Variants in PARD3B observed in about 807,000 individuals in gnomAD.
PARD3B encodes par-3 family cell polarity regulator beta.
A neutral mutation model predicts 130.2 loss-of-function variants in PARD3B; 103 were observed. The observed-to-expected ratio is 0.79, with a 90% confidence interval of 0.67 to 0.93. The LOEUF (loss-of-function observed/expected upper bound fraction) is 0.93, where lower values mean the gene tolerates loss of function less well. PARD3B is among the 40% of genes least tolerant of loss of function. The probability of loss-of-function intolerance (pLI) is 0.00; values close to 1 mark genes in which losing one functional copy is unlikely to be tolerated. For synonymous variants in PARD3B, 583 were observed against 553.2 expected, an observed-to-expected ratio of 1.05 and a Z score of -0.76; for missense variants, 1,609 against 1,499.2, an observed-to-expected ratio of 1.07 and a Z score of -1.21.
At chr2:205,475,094 T>C (rs2048979906) in intron 20 of PARD3B, among the ~76,000 whole-genome samples, 1 of 152,172 alleles carries the variant, frequency 6.6e-6, no homozygotes. Context: ...TGAATGATTA[T>C]GCACCCAGGT....
intron 4 of PARD3B, among the ~76,000 whole-genome samples, chr2:205,056,723 G>A (rs1222942167): frequency 6.6e-6 from 1 of 151,920 alleles, no homozygotes. Flanking sequence ...GCAAAGAATG[G>A]TTAAGTAGCA....
At chr2:204,659,135 G>A (rs919582528) in intron 1 of PARD3B, among the ~76,000 whole-genome samples, 5 of 152,120 alleles carry the variant, frequency 3.3e-5, no homozygotes, top group African/African-American at 9.7e-5. Context: ...TGTTACTGCT[G>A]TACTGAATGT....
chr2:205,289,030 A>G (rs926171882), intron 16 of PARD3B, among the ~76,000 whole-genome samples: 1 of 152,218 alleles, frequency 6.6e-6, no homozygotes, highest in African/African-American at 2.4e-5. Flanking sequence ...CTGATGGAGA[A>G]GAGTGAAAGA....
At chr2:205,054,424 A>G (rs1196789267) in intron 4 of PARD3B, among the ~76,000 whole-genome samples, 1 of 21,446 alleles carries the variant, frequency 4.7e-5, no homozygotes, top group African/African-American at 1.6e-4. Context: ...ATATATATAT[A>G]TATATATATA....
intron 2 of PARD3B, among the ~76,000 whole-genome samples, chr2:204,861,452 G>C (rs964390034): frequency 6.6e-6 from 1 of 152,050 alleles, no homozygotes; most frequent in Non-Finnish European, 1.5e-5. Flanking sequence ...ATTCTTAATA[G>C]TTAAATCTCC....
intron 18 of PARD3B, among the ~76,000 whole-genome samples, chr2:205,316,174 G>A (rs1034957566): frequency 6.6e-6 from 1 of 152,106 alleles, no homozygotes. Flanking sequence ...AACAGTGGAA[G>A]TGGTTCAAAA....
At chr2:204,563,586 G>A (rs2031484665) in intron 1 of PARD3B, among the ~76,000 whole-genome samples, 1 of 152,022 alleles carries the variant, frequency 6.6e-6, no homozygotes, top group Non-Finnish European at 1.5e-5. Flanking sequence ...CTCCAAAATA[G>A]TCCACATATA....
rs1553597494 is a variant in PARD3B at position 205,018,749 on chromosome 2, A to AAG, written c.395-28831_395-28830dup. ...AAAAAAAAAAAAAAAAAAAAAAAAA[A>AAG]AGCACGCTGATTAATAAAATATGCT... On this transcript the variant is annotated intron_variant, in intron 3 of 22. Transcript: ENST00000406610. 5.8e-4 allele frequency among the ~76,000 whole-genome samples: 70 copies of AAG among 120,082 alleles called. 3 individuals are homozygous for AAG. The highest frequency in any genetic ancestry group is 1.1e-3 in the South Asian group (4 of 3,564). The allele number at this position is 120,082 out of a possible 152,430, so 78.8% of individuals were successfully genotyped here.
At chr2:205,238,916 G>GTATATATA (rs747790189) in intron 15 of PARD3B, among the ~76,000 whole-genome samples, 4 of 118,460 alleles carry the variant, frequency 3.4e-5, no homozygotes, top group African/African-American at 1.0e-4. Context: ...ATATGTATGT[G>GTATATATA]TATATATATA....
intron 18 of PARD3B, among the ~76,000 whole-genome samples, chr2:205,378,797 A>T (rs1160826694): frequency 6.6e-6 from 1 of 151,806 alleles, no homozygotes; most frequent in Non-Finnish European, 1.5e-5. Context: ...ACACCCAGCT[A>T]ATTTTTGTAT....
chr2:204,951,137 G>A (rs1400055507), intron 2 of PARD3B, among the ~76,000 whole-genome samples: 1 of 152,146 alleles, frequency 6.6e-6, no homozygotes, highest in Non-Finnish European at 1.5e-5. Context: ...CATGACCTAA[G>A]GGTTCCATGC....
chr2:205,010,491 C>G (rs977663068), intron 3 of PARD3B, among the ~76,000 whole-genome samples: 1 of 152,222 alleles, frequency 6.6e-6, no homozygotes, highest in African/African-American at 2.4e-5. Flanking sequence ...TTTCATGAAG[C>G]TGACTTCTCA....
At chr2:205,225,689 A>G (rs1392244879) in intron 15 of PARD3B, among the ~76,000 whole-genome samples, 2 of 152,190 alleles carry the variant, frequency 1.3e-5, no homozygotes, top group African/African-American at 4.8e-5. Context: ...GGAAGCAAGC[A>G]CATCTTTACA....
intron 16 of PARD3B, among the ~76,000 whole-genome samples, chr2:205,261,972 A>C (rs1433255362): frequency 6.6e-6 from 1 of 152,156 alleles, no homozygotes; most frequent in Non-Finnish European, 1.5e-5. Flanking sequence ...TTAGGTACTA[A>C]AACAAATCAA....
At chr2:205,483,584 C>T (rs899985491) in intron 20 of PARD3B, among the ~76,000 whole-genome samples, 5 of 152,212 alleles carry the variant, frequency 3.3e-5, no homozygotes, top group South Asian at 4.2e-4. Context: ...TTTCTTTCCT[C>T]GCTCTCCCTC....
intron 2 of PARD3B, among the ~76,000 whole-genome samples, chr2:204,703,494 TTTCTTTAC>T (rs2037991820): frequency 6.6e-6 from 1 of 152,208 alleles, no homozygotes; most frequent in Admixed American, 6.5e-5. Context: ...AGATTGTGAA[TTTCTTTAC>T]TTTTATGAAA....
chr2:205,062,837 CTT>C, intron 4 of PARD3B, among the ~76,000 whole-genome samples: 1 of 152,130 alleles, frequency 6.6e-6, no homozygotes, highest in East Asian at 1.9e-4. Flanking sequence ...TTATTTATAT[CTT>C]ATATCTATGT....
chr2:205,158,578 C>A lies in PARD3B; in HGVS notation c.1435-144C>A. The stretch of plus-strand genomic sequence containing the variant: ...GCTCCTTGTGGAGAGCTAAACCCAG[C>A]CTTTGCCTGCCAGGAGCCGATTACA... On this transcript the variant is annotated intron_variant, in intron 10 of 22. Transcript: ENST00000406610. The surrounding 1 kb of genome is among the most constrained non-coding windows in gnomAD (Gnocchi z 5.4). 2.5e-6 allele frequency: 2 copies of A among 791,694 alleles called. No individual in the cohort carries two copies. Among genetic ancestry groups the A allele is most frequent in the Admixed American group, 2.5e-5 (1 of 39,720 alleles). The allele number at this position is 791,694 out of a possible 1,614,324, so 49.0% of individuals were successfully genotyped here.
intron 2 of PARD3B, among the ~76,000 whole-genome samples, chr2:204,862,536 T>C (rs186965793): frequency 6.6e-6 from 1 of 152,348 alleles, no homozygotes; most frequent in East Asian, 1.9e-4. Flanking sequence ...GTTCCTCCTC[T>C]GTAAAACGTG....
Sources: gnomAD v4.1 joint callset for allele counts (sites outside exome capture counted in the v4.1 genomes callset) on GRCh38, gnomAD v4.1.1 for gene constraint, Gnocchi (gnomAD v3.1) non-coding constraint, MANE v1.5 for transcripts, NCBI Gene and HGNC (gene_info 2026-07-23, HGNC 2026-07-21) for gene names.